The following DNAH8 variants were observed in gnomAD, a reference collection of about 807,000 sequenced individuals.
DNAH8 encodes dynein axonemal heavy chain 8.
Under a neutral mutation model 562.1 loss-of-function variants are expected in DNAH8, and 382 were observed. That is an observed-to-expected ratio of 0.68 (90% CI 0.63 to 0.74). The LOEUF is 0.74. DNAH8 is among the 30% of genes least tolerant of loss of function. The pLI is 0.00. For synonymous variants in DNAH8, 1,881 were observed against 1,919.4 expected (o/e 0.98, Z 0.52); for missense variants, 5,203 against 5,620.4 (o/e 0.93, Z 2.37).
At position 38,864,034 on chromosome 6, in the gene DNAH8, C is replaced by A; in HGVS notation, c.6472C>A (p.Pro2158Thr). Residue 2158 changes from proline (P) to threonine (T), a missense_variant, in exon 45 of 93, where the codon CCA becomes ACA. By Grantham distance (38) the Pro-to-Thr change is conservative (BLOSUM62 -1). This residue lies in a region of DNAH8 where 2,176 missense variants were observed against 2,365.1 expected (regional missense o/e 0.92). Coordinates refer to ENST00000327475, the MANE Select transcript of DNAH8 (RefSeq NM_001206927.2). ...FSDGDCVDLN[P>T]EFGIFLTMNP... Reference sequence around the variant, plus strand: ...TGATGGTGATTGTGTTGATTTAAATCCAGAATTTGGAATCTTCTTAACGAT... The same window carrying A: ...TGATGGTGATTGTGTTGATTTAAATACAGAATTTGGAATCTTCTTAACGAT... The A allele has an allele frequency of 6.2e-7, 1 of 1,607,196 alleles. No individual in the cohort carries two copies. The highest frequency in any genetic ancestry group is 8.5e-7 in the Non-Finnish European group (1 of 1,178,520).
chr6:38,786,485 C>T (rs1769170957), intron 17 of DNAH8, among the ~76,000 whole-genome samples: 1 of 152,202 alleles, frequency 6.6e-6, no homozygotes, highest in African/African-American at 2.4e-5. Context: ...ATTCAACCCA[C>T]TCAGAAAAAT....
chr6:38,871,770 G>T (rs1777481823), intron 49 of DNAH8, among the ~76,000 whole-genome samples: 1 of 152,142 alleles, frequency 6.6e-6, no homozygotes, highest in Non-Finnish European at 1.5e-5. Context: ...AGCAAAAGGA[G>T]GCCTGGAGCC....
chr6:38,838,670 A>G (rs577029808), intron 33 of DNAH8, among the ~76,000 whole-genome samples: 164 of 144,114 alleles, frequency 1.1e-3, no homozygotes, highest in African/African-American at 3.9e-3. Flanking sequence ...AAGTGCTGGG[A>G]TTACAGGCGT....
intron 33 of DNAH8, among the ~76,000 whole-genome samples, chr6:38,841,115 A>G (rs916050196): frequency 3.3e-5 from 5 of 152,128 alleles, no homozygotes; most frequent in African/African-American, 1.2e-4. Flanking sequence ...CTACGCCTAC[A>G]TGGTAATTAC....
intron 67 of DNAH8, among the ~76,000 whole-genome samples, chr6:38,914,953 C>T (rs543210941): frequency 4.6e-5 from 7 of 151,962 alleles, no homozygotes; most frequent in Non-Finnish European, 1.0e-4. Context: ...ACTATTTCTT[C>T]TGAAAGCTTT....
Position 38,918,044 on chromosome 6 carries a change from T to C in DNAH8, c.10428T>C (p.Ser3476=), listed in dbSNP as rs1781444693. ...ATATGGATGATTATACTTTTGAAAGTGCCAAAAAAGTCTGTGGGAATGTGG... is the reference window on the plus strand; with the variant it reads ...ATATGGATGATTATACTTTTGAAAGCGCCAAAAAAGTCTGTGGGAATGTGG... The part of the protein sequence containing the change: ...YFNMDDYTFE[S]AKKVCGNVAG... Residue 3476 remains serine, a synonymous_variant, in exon 70 of 93, where the codon AGT becomes AGC. Coordinates refer to ENST00000327475, the MANE Select transcript of DNAH8 (RefSeq NM_001206927.2). The C allele has an allele frequency of 1.2e-6, 2 of 1,613,912 alleles. No individual in the cohort carries two copies. The highest frequency in any genetic ancestry group is 1.7e-6 in the Non-Finnish European group (2 of 1,179,884).
chr6:38,869,845 A>G (rs751596616), intron 48 of DNAH8, among the ~76,000 whole-genome samples: 1 of 152,244 alleles, frequency 6.6e-6, no homozygotes, highest in African/African-American at 2.4e-5. Context: ...GGATTGTAGA[A>G]CACATTGAAT....
rs1781698874 is a variant in DNAH8, at chr6:38,921,445, A to C, written c.10601A>C (p.Glu3534Ala). ...ELGKAQALLD[E>A]KQAELDKVQA... ...GGGAAGGCACAAGCCCTGCTGGATGAGAAGCAAGCTGAGCTGGATAAAGTA... is the reference window on the plus strand; with the variant it reads ...GGGAAGGCACAAGCCCTGCTGGATGCGAAGCAAGCTGAGCTGGATAAAGTA... The change falls in exon 71 of 93, where the codon GAG (glutamate) becomes GCG (alanine). Residue 3534 changes from glutamate (E) to alanine (A), a missense_variant. By Grantham distance (107) the Glu-to-Ala change is moderately radical (BLOSUM62 -1). This residue lies in a region of DNAH8 where 1,399 missense variants were observed against 1,518.4 expected (regional missense o/e 0.92). Coordinates refer to ENST00000327475, the MANE Select transcript of DNAH8 (RefSeq NM_001206927.2). The C allele has an allele frequency of 1.2e-6, 2 of 1,613,730 alleles. No homozygotes were observed. The highest frequency in any genetic ancestry group is 1.7e-6 in the Non-Finnish European group (2 of 1,179,896).
intron 52 of DNAH8, among the ~76,000 whole-genome samples, chr6:38,873,727 TAC>T (rs762717515): frequency 0.016 from 1,567 of 96,460 alleles, 17 homozygotes; most frequent in African/African-American, 0.038. Flanking sequence ...CACATACACC[TAC>T]ACACACACAC....
intron 47 of DNAH8, 74 bp from the exon 48 acceptor site, chr6:38,867,988 T>G: frequency 6.8e-7 from 1 of 1,470,408 alleles, no homozygotes; most frequent in South Asian, 1.3e-5. Flanking sequence ...TCGACCTATA[T>G]GCATAGAGTG....
chr6:38,790,691 C>G (rs750444293), intron 20 of DNAH8, among the ~76,000 whole-genome samples: 2 of 151,824 alleles, frequency 1.3e-5, no homozygotes, highest in African/African-American at 4.8e-5. Flanking sequence ...GACATGGTGG[C>G]GGGCACCTGT....
At chr6:38,964,768 A>G (rs755270684) in intron 82 of DNAH8, among the ~76,000 whole-genome samples, 1 of 152,178 alleles carries the variant, frequency 6.6e-6, no homozygotes, top group African/African-American at 2.4e-5. Flanking sequence ...TAGAGATATA[A>G]AATAATGTAT....
At position 38,918,332 on chromosome 6, in the gene DNAH8, T is replaced by G. The variant is rs189548816; in HGVS notation, c.10524+192T>G. Among the ~76,000 whole-genome samples, 21 of 152,276 alleles carry G rather than the reference T, an allele frequency of 1.4e-4. No homozygotes were observed. In the East Asian group the frequency reaches 4.0e-3, roughly 29 times the overall value. On this transcript the variant is annotated intron_variant, in intron 70 of 92. Coordinates refer to ENST00000327475, the MANE Select transcript of DNAH8 (RefSeq NM_001206927.2). ...ATATCTGTTACATGTTTCTTGACAA[T>G]GCAGGCAAGTGACTGAAACCAACAT...
chr6:38,817,046 C>T (rs1038958401), intron 26 of DNAH8, among the ~76,000 whole-genome samples: 7 of 152,124 alleles, frequency 4.6e-5, no homozygotes, highest in Admixed American at 1.3e-4. Flanking sequence ...TTGAAAATAA[C>T]AAGATACCAG....
intron 91 of DNAH8, among the ~76,000 whole-genome samples, chr6:39,025,006 C>G (rs1583588953): frequency 2.0e-5 from 3 of 152,302 alleles, no homozygotes; most frequent in South Asian, 4.1e-4. Flanking sequence ...GCAAATAAAG[C>G]CAAACCATTT....
intron 87 of DNAH8, among the ~76,000 whole-genome samples, chr6:38,987,487 C>T (rs1001711757): frequency 7.9e-5 from 12 of 152,172 alleles, no homozygotes; most frequent in African/African-American, 2.9e-4. Context: ...TTGGCTGTTC[C>T]CAAGTAACAG....
At chr6:39,023,063 C>T (rs1220322526) in intron 91 of DNAH8, among the ~76,000 whole-genome samples, 2 of 152,158 alleles carry the variant, frequency 1.3e-5, no homozygotes, top group Non-Finnish European at 2.9e-5. Context: ...GGTTTACTCT[C>T]ATGAAGAATA....
At chr6:38,903,035 T>C (rs1271622754) in intron 62 of DNAH8, among the ~76,000 whole-genome samples, 1 of 152,210 alleles carries the variant, frequency 6.6e-6, no homozygotes, top group Non-Finnish European at 1.5e-5. Context: ...ATATGGACCA[T>C]TGCATTAGAA....
chr6:38,925,412 A>G (rs1006183464), intron 73 of DNAH8, among the ~76,000 whole-genome samples: 1 of 151,604 alleles, frequency 6.6e-6, no homozygotes, highest in Non-Finnish European at 1.5e-5. Flanking sequence ...CATGGCTCAC[A>G]GCAGCCTCAA....
Sources: allele counts gnomAD v4.1 joint callset (sites outside exome capture counted in the v4.1 genomes callset), GRCh38; gene constraint gnomAD v4.1.1; regional missense constraint gnomAD v4.1.1; transcripts MANE v1.5; gene names NCBI Gene and HGNC (gene_info 2026-07-23, HGNC 2026-07-21).